Variants in SMOC2 observed in about 807,000 individuals in gnomAD.
The protein encoded by SMOC2 is SPARC related modular calcium binding 2.
Under a neutral mutation model 61.4 loss-of-function variants are expected in SMOC2, and 39 were observed. That is an observed-to-expected ratio of 0.64 (90% CI 0.49 to 0.83). SMOC2 has a LOEUF of 0.83. Among genes scored for constraint, SMOC2 ranks in the 40% least tolerant of loss-of-function variants. SMOC2 has a pLI of 0.00. For synonymous variants in SMOC2, 247 were observed against 239.9 expected (o/e 1.03, Z -0.27); for missense variants, 556 against 592.9 (o/e 0.94, Z 0.65).
rs577711431 is a variant in SMOC2, at chr6:168,509,048, G to A, written c.85-867G>A. Among the ~76,000 whole-genome samples the A allele has an allele frequency of 1.5e-4, 22 of 148,884 alleles. No individual in the cohort carries two copies. The South Asian group carries it at 1.5e-3, about 10-fold the overall frequency. Reference sequence around the variant, plus strand: ...CGTCTGGCCTGATGGAGGCCTGGACGGGACTAGTTGGCCGGTCAGGAAGTG... The same window carrying A: ...CGTCTGGCCTGATGGAGGCCTGGACAGGACTAGTTGGCCGGTCAGGAAGTG... On this transcript the variant is annotated intron_variant, in intron 1 of 12. Transcript: ENST00000356284.
intron 1 of SMOC2, among the ~76,000 whole-genome samples, chr6:168,472,824 G>A (rs2115015175): frequency 6.6e-6 from 1 of 152,144 alleles, no homozygotes; most frequent in Middle Eastern, 3.4e-3. Context: ...GGGGAAATGG[G>A]GAAATGCTAT....
chr6:168,562,696 C>T (rs920428375), intron 7 of SMOC2, among the ~76,000 whole-genome samples: 4 of 152,278 alleles, frequency 2.6e-5, no homozygotes, highest in Non-Finnish European at 4.4e-5. Flanking sequence ...TCAGGTAGGA[C>T]GGCTTAAAAT....
intron 9 of SMOC2, among the ~76,000 whole-genome samples, chr6:168,648,394 C>A (rs888655378): frequency 6.6e-6 from 1 of 152,344 alleles, no homozygotes; most frequent in East Asian, 1.9e-4. Flanking sequence ...CGAGCCTGTG[C>A]CCTGGAGGCA....
chr6:168,646,461 C>T (rs962247544), intron 9 of SMOC2, among the ~76,000 whole-genome samples: 13 of 152,144 alleles, frequency 8.5e-5, no homozygotes, highest in African/African-American at 3.1e-4. Flanking sequence ...ACTGAGGGAG[C>T]AGCTGGGAAC....
intron 4 of SMOC2, among the ~76,000 whole-genome samples, chr6:168,539,409 A>G (rs73258957): frequency 0.016 from 2,392 of 152,114 alleles, 58 homozygotes; most frequent in African/African-American, 0.051. Context: ...CCACTGCACC[A>G]TTTCACACAC....
intron 4 of SMOC2, among the ~76,000 whole-genome samples, chr6:168,532,864 G>C (rs556384507): frequency 6.6e-6 from 1 of 152,130 alleles, no homozygotes; most frequent in African/African-American, 2.4e-5. Context: ...TGCAGCCATC[G>C]GCCTGTTCCG....
At chr6:168,482,029 T>C (rs1782218004) in intron 1 of SMOC2, among the ~76,000 whole-genome samples, 1 of 151,334 alleles carries the variant, frequency 6.6e-6, no homozygotes, top group South Asian at 2.1e-4. Flanking sequence ...AGGAACTACA[T>C]AATAAAGATG....
intron 8 of SMOC2, among the ~76,000 whole-genome samples, chr6:168,599,307 A>ACC (rs746616509): frequency 6.4e-5 from 8 of 124,160 alleles, no homozygotes; most frequent in African/African-American, 9.4e-5. Flanking sequence ...TACCACACAC[A>ACC]CACCCCCACA....
intron 1 of SMOC2, among the ~76,000 whole-genome samples, chr6:168,457,081 G>A (rs976195462): frequency 2.6e-5 from 4 of 152,186 alleles, no homozygotes; most frequent in African/African-American, 9.7e-5. Context: ...GGGAGAGATG[G>A]CAAAGCCCTG....
rs183645572 is a variant in SMOC2, at chr6:168,650,806, C to A, written c.1010+23C>A. ...CAGGTACGCTGTGTTCGCCGTGGGACAACAAGTTGGCAGGGTCCCAGAATT... is the reference window on the plus strand; with the variant it reads ...CAGGTACGCTGTGTTCGCCGTGGGAAAACAAGTTGGCAGGGTCCCAGAATT... On this transcript the variant is annotated intron_variant, in intron 10 of 12. Coordinates refer to ENST00000356284, the MANE Select transcript of SMOC2 (RefSeq NM_001166412.2). 1.6e-4 allele frequency: 257 copies of A among 1,594,542 alleles called. 1 individual carries two copies. The African/African-American group carries it at 3.0e-3, about 18-fold the overall frequency.
intron 1 of SMOC2, among the ~76,000 whole-genome samples, chr6:168,472,346 T>C (rs944138799): frequency 1.3e-5 from 2 of 151,324 alleles, no homozygotes; most frequent in African/African-American, 2.4e-5. Context: ...TTACTGAAAA[T>C]CATTTGCCTG....
chr6:168,624,082 G>A (rs1415649645), intron 9 of SMOC2, among the ~76,000 whole-genome samples: 1 of 152,210 alleles, frequency 6.6e-6, no homozygotes. Context: ...AGGACCAAAT[G>A]GAGACAGTAA....
chr6:168,623,643 A>T (rs1786306602), intron 9 of SMOC2, among the ~76,000 whole-genome samples: 1 of 140,484 alleles, frequency 7.1e-6, no homozygotes, highest in South Asian at 2.5e-4. Context: ...GCCAATAATT[A>T]TTTTTTTTAT....
At chr6:168,467,448 A>G (rs1781869044) in intron 1 of SMOC2, among the ~76,000 whole-genome samples, 1 of 151,978 alleles carries the variant, frequency 6.6e-6, no homozygotes, top group Non-Finnish European at 1.5e-5. Context: ...CTGGGACTAC[A>G]GGTGCACACC....
At chr6:168,587,417 G>A (rs1471311326) in intron 7 of SMOC2, among the ~76,000 whole-genome samples, 2 of 152,174 alleles carry the variant, frequency 1.3e-5, no homozygotes, top group Admixed American at 1.3e-4. Context: ...AGGTGGTCGG[G>A]GCACAGCTTG....
intron 1 of SMOC2, among the ~76,000 whole-genome samples, chr6:168,506,291 C>T (rs552433511): frequency 1.3e-5 from 2 of 152,302 alleles, no homozygotes; most frequent in East Asian, 1.9e-4. Context: ...CCATCTTGGC[C>T]TCCCAAAGCT....
intron 8 of SMOC2, among the ~76,000 whole-genome samples, chr6:168,600,638 C>T (rs990498455): frequency 6.6e-6 from 1 of 152,136 alleles, no homozygotes; most frequent in Admixed American, 6.5e-5. Context: ...TGGACGGCAT[C>T]AAATACCAGT....
intron 9 of SMOC2, among the ~76,000 whole-genome samples, chr6:168,625,255 G>T (rs916295507): frequency 2.6e-5 from 4 of 152,212 alleles, no homozygotes; most frequent in African/African-American, 7.2e-5. Flanking sequence ...TTAGGATGCT[G>T]CCCCTCGGGA....
At chr6:168,569,379 T>C (rs919787430) in intron 7 of SMOC2, among the ~76,000 whole-genome samples, 1 of 152,146 alleles carries the variant, frequency 6.6e-6, no homozygotes, top group Non-Finnish European at 1.5e-5. Flanking sequence ...TTAATTGGGG[T>C]TTTTTTAATT....
Sources: allele counts gnomAD v4.1 joint callset (sites outside exome capture counted in the v4.1 genomes callset), GRCh38; gene constraint gnomAD v4.1.1; transcripts MANE v1.5; gene names NCBI Gene and HGNC (gene_info 2026-07-23, HGNC 2026-07-21).